GRB2: variants seen among roughly 807,000 people sequenced by gnomAD.
GRB2 encodes growth factor receptor bound protein 2, also known as growth factor receptor-bound protein 2.
In GRB2, 2 loss-of-function variants were observed where a neutral mutation model predicts 27.4. The ratio of observed to expected loss-of-function variants is 0.07; its 90% CI spans 0.03 to 0.23. The LOEUF is 0.23. Among genes scored for constraint, GRB2 ranks in the 10% least tolerant of loss-of-function variants. The pLI, the probability that GRB2 is intolerant of heterozygous loss-of-function variation, is 1.00. For missense variants in GRB2, 102 were observed against 282.4 expected (o/e 0.36, Z 4.58); for synonymous variants, 94 against 99.6 (o/e 0.94, Z 0.33).
chr17:75,384,470 A>C (rs1598251091), intron 2 of GRB2, among the ~76,000 whole-genome samples: 1 of 152,008 alleles, frequency 6.6e-6, no homozygotes, highest in South Asian at 2.1e-4. Flanking sequence ...GGAGTTTGAG[A>C]CCAGCCTGGC....
intron 4 of GRB2, among the ~76,000 whole-genome samples, chr17:75,322,535 C>A (rs545928481): frequency 8.3e-4 from 127 of 152,242 alleles, no homozygotes; most frequent in African/African-American, 3.0e-3. Context: ...TTCAACAATT[C>A]TCTCGTAACT....
At chr17:75,363,056 C>T (rs2078795191) in intron 2 of GRB2, among the ~76,000 whole-genome samples, 1 of 152,080 alleles carries the variant, frequency 6.6e-6, no homozygotes, top group African/African-American at 2.4e-5. Flanking sequence ...CTTTTAAAAG[C>T]CCAGCAGACA....
At chr17:75,357,859 T>C (rs1460752783) in intron 2 of GRB2, among the ~76,000 whole-genome samples, 1 of 151,902 alleles carries the variant, frequency 6.6e-6, no homozygotes, top group Non-Finnish European at 1.5e-5. Context: ...CAGCAGAGGT[T>C]GTAGAGAGCC....
chr17:75,365,033 G>A (rs1258331338), intron 2 of GRB2, among the ~76,000 whole-genome samples: 2 of 152,018 alleles, frequency 1.3e-5, no homozygotes, highest in Non-Finnish European at 2.9e-5. Context: ...ACTTCTAATG[G>A]CAGACCATGA....
intron 2 of GRB2, among the ~76,000 whole-genome samples, chr17:75,383,048 C>A (rs752871385): frequency 6.6e-6 from 1 of 152,148 alleles, no homozygotes; most frequent in Non-Finnish European, 1.5e-5. Context: ...GGGAAAAACA[C>A]GCCTATTCTC....
At chr17:75,391,807 CAAAAAAAA>C (rs60382091) in intron 2 of GRB2, among the ~76,000 whole-genome samples, 11 of 121,816 alleles carry the variant, frequency 9.0e-5, no homozygotes, top group Non-Finnish European at 8.0e-5. Flanking sequence ...GACTCCATCT[CAAAAAAAA>C]AAAAAAAAAA....
chr17:75,397,406 C>G (rs966375231), intron 1 of GRB2, among the ~76,000 whole-genome samples: 1 of 152,140 alleles, frequency 6.6e-6, no homozygotes, highest in Admixed American at 6.6e-5. Flanking sequence ...AGAGTAACCT[C>G]GAAACTGTTA....
intron 2 of GRB2, among the ~76,000 whole-genome samples, chr17:75,361,888 A>G (rs192961495): frequency 1.1e-4 from 16 of 151,698 alleles, no homozygotes; most frequent in East Asian, 7.8e-4. Context: ...AAAAAAAAAA[A>G]GGGATTATTA....
In GRB2 at chr17:75,326,031, A is replaced by C. The variant is rs942209383; in HGVS notation, c.177-11T>G. 1.5e-5 allele frequency: 24 copies of C among 1,613,930 alleles called. No homozygotes were observed. Among genetic ancestry groups the C allele is most frequent in the African/African-American group, 2.7e-5 (2 of 74,922 alleles). On this transcript the variant is annotated splice_polypyrimidine_tract_variant and intron_variant, in intron 3 of 5. Transcript: ENST00000316804. Reference sequence around the variant, plus strand: ...TTGCCAAAAAACCACCTAAGGAAGGAAGGCAAGCTGGTCAACATCTGCTTC... The same window carrying C: ...TTGCCAAAAAACCACCTAAGGAAGGCAGGCAAGCTGGTCAACATCTGCTTC...
At chr17:75,348,173 T>C (rs983229841) in intron 2 of GRB2, among the ~76,000 whole-genome samples, 2 of 152,228 alleles carry the variant, frequency 1.3e-5, no homozygotes, top group Admixed American at 6.5e-5. Flanking sequence ...TTCCCACAAA[T>C]AGCTCGGACT....
At chr17:75,332,874 CTA>C in intron 2 of GRB2, 77 bp from the exon 3 acceptor site, 3 of 943,794 alleles carry the variant, frequency 3.2e-6, no homozygotes, top group Non-Finnish European at 3.3e-6. Flanking sequence ...GACAATTATG[CTA>C]TCTTTTAGGT....
chr17:75,398,800 T>G (rs762513233), intron 1 of GRB2, among the ~76,000 whole-genome samples: 60 of 151,268 alleles, frequency 4.0e-4, no homozygotes, highest in Non-Finnish European at 7.5e-4. Context: ...CAGGCTGGAG[T>G]GCAGTGGCGT....
At chr17:75,393,443 A>T in intron 2 of GRB2, 108 bp downstream of exon 2, 1 of 859,176 alleles carries the variant, frequency 1.2e-6, no homozygotes. Context: ...GGTAAATGTT[A>T]AAAGTGTACA....
In GRB2 at chr17:75,318,782, A is replaced by C. The variant is rs2078434432; in HGVS notation, c.*1586T>G. The C allele has an allele frequency of 6.6e-6, 1 of 152,234 alleles. No homozygotes were observed. Among genetic ancestry groups the C allele is most frequent in the Non-Finnish European group, 1.5e-5 (1 of 68,140 alleles). The allele number at this position is 152,234 out of a possible 1,614,324, so 9.4% of individuals were successfully genotyped here. On this transcript the variant is annotated 3_prime_UTR_variant, in exon 6 of 6. Coordinates refer to ENST00000316804, the MANE Select transcript of GRB2 (RefSeq NM_002086.5). Reference sequence around the variant, plus strand: ...GGACAGGTCAGGGGACACAGGATGAAAGCCATGGCCCAATCTAAGAGCAAG... The same window carrying C: ...GGACAGGTCAGGGGACACAGGATGACAGCCATGGCCCAATCTAAGAGCAAG...
intron 2 of GRB2, among the ~76,000 whole-genome samples, chr17:75,389,143 G>A (rs934192499): frequency 4.6e-5 from 7 of 152,158 alleles, no homozygotes; most frequent in Non-Finnish European, 8.8e-5. Context: ...TTAAGGACCA[G>A]ATCAAACTCT....
intron 1 of GRB2, among the ~76,000 whole-genome samples, chr17:75,400,906 C>T (rs1259729200): frequency 6.6e-6 from 1 of 151,978 alleles, no homozygotes; most frequent in African/African-American, 2.4e-5. Context: ...CACCCACACC[C>T]TTGATCAATA....
chr17:75,332,616 A>G, intron 3 of GRB2, 84 bp downstream of exon 3: 1 of 767,726 alleles, frequency 1.3e-6, no homozygotes, highest in South Asian at 1.5e-5. Flanking sequence ...TATGACATCC[A>G]TCCCAGTGAT....
At chr17:75,333,155 A>G (rs1311585710) in intron 2 of GRB2, among the ~76,000 whole-genome samples, 1 of 152,034 alleles carries the variant, frequency 6.6e-6, no homozygotes, top group African/African-American at 2.4e-5. Context: ...GGCTCACTGC[A>G]ACCTCCACCT....
intron 2 of GRB2, among the ~76,000 whole-genome samples, chr17:75,381,574 A>G (rs905790890): frequency 1.3e-5 from 2 of 151,364 alleles, no homozygotes; most frequent in African/African-American, 4.9e-5. Flanking sequence ...AAAAAAAATT[A>G]GCCAGGCATG....
Sources: gnomAD v4.1 joint callset for allele counts (sites outside exome capture counted in the v4.1 genomes callset) on GRCh38, gnomAD v4.1.1 for gene constraint, MANE v1.5 for transcripts, NCBI Gene and HGNC (gene_info 2026-07-23, HGNC 2026-07-21) for gene names.